LRTM3: variants seen among roughly 807,000 people sequenced by gnomAD.
LRTM3 encodes the protein leucine rich repeat transmembrane protein 3, also known as leucine-rich repeat transmembrane protein 3.
chr13:102,730,525 C>A, the LRTM3 span: 1 of 1,551,500 alleles, frequency 6.4e-7, no homozygotes, highest in South Asian at 1.2e-5. Flanking sequence ...TTTCTGGAGT[C>A]ACATGGAATT....
the LRTM3 span, chr13:102,729,654 A>AG: frequency 4.5e-6 from 7 of 1,550,412 alleles, no homozygotes; most frequent in African/African-American, 1.4e-5. Context: ...GCAAAAAAAA[A>AG]GGGCCGGTTT....
chr13:102,738,333 G>A, the LRTM3 span: 1 of 1,550,874 alleles, frequency 6.4e-7, no homozygotes, highest in Non-Finnish European at 8.7e-7. Context: ...GATTTTTGGT[G>A]TGATAGTTCT....
At chr13:102,734,161 C>A in the LRTM3 span, 10 of 1,551,402 alleles carry the variant, frequency 6.4e-6, no homozygotes, top group Non-Finnish European at 8.7e-6. Flanking sequence ...AAATCCTTGC[C>A]TCTTGGCAGT....
the LRTM3 span, chr13:102,745,874 T>C: frequency 1.9e-6 from 3 of 1,551,178 alleles, no homozygotes; most frequent in Non-Finnish European, 2.6e-6. Context: ...CAAAATAGTT[T>C]GTGTAAAATG....
the LRTM3 span, chr13:102,746,971 G>A: frequency 3.9e-6 from 6 of 1,551,208 alleles, no homozygotes; most frequent in Non-Finnish European, 4.4e-6. Context: ...TAGTTTCTGT[G>A]AATGGGATTG....
At chr13:102,735,186 G>C in the LRTM3 span, 1 of 1,551,320 alleles carries the variant, frequency 6.4e-7, no homozygotes, top group Admixed American at 2.0e-5. Flanking sequence ...CTGTGCGTAT[G>C]TAAGACAGGC....
At chr13:102,734,257 A>T in the LRTM3 span, 3 of 1,550,448 alleles carry the variant, frequency 1.9e-6, no homozygotes, top group African/African-American at 4.1e-5. Context: ...TTACATCACC[A>T]CTCCTTGCCT....
chr13:102,737,891 AG>A, the LRTM3 span: 5 of 1,550,680 alleles, frequency 3.2e-6, no homozygotes, highest in Non-Finnish European at 4.4e-6. Context: ...AGGCAAATAT[AG>A]GAACAGAACT....
chr13:102,752,212 T>C, the LRTM3 span, among the ~76,000 whole-genome samples: 1 of 152,200 alleles, frequency 6.6e-6, no homozygotes, highest in African/African-American at 2.4e-5. Flanking sequence ...CCTCGGATCA[T>C]GCTAAAGCTG....
At chr13:102,733,464 GTGT>G in the LRTM3 span, 1 of 1,551,320 alleles carries the variant, frequency 6.4e-7, no homozygotes, top group Non-Finnish European at 8.7e-7. Flanking sequence ...GGGGTGCCAA[GTGT>G]GACATACAGT....
the LRTM3 span, chr13:102,750,215 A>C: frequency 6.4e-7 from 1 of 1,551,392 alleles, no homozygotes; most frequent in Non-Finnish European, 8.7e-7. Context: ...AGATGAGCTG[A>C]TTCCATTTGA....
chr13:102,733,916 T>C, the LRTM3 span: 24 of 1,551,188 alleles, frequency 1.5e-5, no homozygotes, highest in Non-Finnish European at 2.1e-5. Flanking sequence ...TGTTATTTTC[T>C]GGGTATTTGA....
chr13:102,747,203 A>G, the LRTM3 span: 572 of 1,550,594 alleles, frequency 3.7e-4, 1 homozygote, highest in Non-Finnish European at 4.7e-4. Flanking sequence ...GACTAGCTTG[A>G]TATGACTGTG....
the LRTM3 span, chr13:102,740,317 C>T: frequency 6.5e-7 from 1 of 1,550,204 alleles, no homozygotes. Context: ...AAATCAAGGG[C>T]ACAATCCATT....
At chr13:102,747,797 G>T in the LRTM3 span, 1 of 1,551,236 alleles carries the variant, frequency 6.4e-7, no homozygotes. Flanking sequence ...CTCCAAAATA[G>T]TTTGTGTAGA....
chr13:102,736,195 G>A, the LRTM3 span: 1 of 1,548,262 alleles, frequency 6.5e-7, no homozygotes, highest in Non-Finnish European at 8.7e-7. Flanking sequence ...TATGGTGAGA[G>A]AGAGAAGGCA....
chr13:102,732,080 T>C, the LRTM3 span: 1 of 1,551,430 alleles, frequency 6.4e-7, no homozygotes, highest in Non-Finnish European at 8.7e-7. Flanking sequence ...GGGCTGGGGA[T>C]CTTGTGGAAC....
chr13:102,738,777 C>T, the LRTM3 span: 2 of 1,550,422 alleles, frequency 1.3e-6, no homozygotes, highest in South Asian at 1.2e-5. Context: ...GAGATGGAAG[C>T]AAAAGGTTTG....
the LRTM3 span, among the ~76,000 whole-genome samples, chr13:102,755,221 C>A: frequency 6.6e-6 from 1 of 151,856 alleles, no homozygotes; most frequent in South Asian, 2.1e-4. Flanking sequence ...CTCTGCCCCC[C>A]CAGCTACCCC....
Sources: gnomAD v4.1 joint callset for allele counts (sites outside exome capture counted in the v4.1 genomes callset) on GRCh38, gnomAD v4.1.1 for gene constraint, MANE v1.5 for transcripts, NCBI Gene and HGNC (gene_info 2026-07-23, HGNC 2026-07-21) for gene names.